CNTN6: variants seen among roughly 807,000 people sequenced by gnomAD.
The protein encoded by CNTN6 is contactin-6.
Under a neutral mutation model 122.8 loss-of-function variants are expected in CNTN6, and 137 were observed. That is an observed-to-expected ratio of 1.12 (90% CI 0.97 to 1.29). The LOEUF is 1.29. Ranked by LOEUF, CNTN6 falls within the 50% of genes most tolerant of loss-of-function variation. The probability of loss-of-function intolerance (pLI) is 0.00; values close to 1 mark genes in which losing one functional copy is unlikely to be tolerated. For missense variants in CNTN6, 1,634 were observed against 1,223.4 expected, an observed-to-expected ratio of 1.34 and a Z score of -5.01; for synonymous variants, 570 against 426.0, an observed-to-expected ratio of 1.34 and a Z score of -4.16.
At chr3:1,193,144 A>G (rs1399993879) in intron 2 of CNTN6, among the ~76,000 whole-genome samples, 1 of 152,200 alleles carries the variant, frequency 6.6e-6, no homozygotes, top group East Asian at 1.9e-4. Context: ...AAGTCCTGCA[A>G]TTAACCAAAT....
chr3:1,241,408 A>C (rs2094481943), intron 4 of CNTN6, among the ~76,000 whole-genome samples: 1 of 151,960 alleles, frequency 6.6e-6, no homozygotes, highest in Non-Finnish European at 1.5e-5. Context: ...ACTAAGCTGA[A>C]GGGAGGTCTT....
intron 11 of CNTN6, among the ~76,000 whole-genome samples, chr3:1,339,490 A>G (rs1479533): frequency 0.2 from 30,214 of 152,138 alleles, 3,564 homozygotes; most frequent in Non-Finnish European, 0.26. Context: ...GCTCCGGTGC[A>G]GTGGGGCATG....
At chr3:1,181,288 T>C (rs755905069) in intron 2 of CNTN6, among the ~76,000 whole-genome samples, 19 of 152,166 alleles carry the variant, frequency 1.2e-4, no homozygotes, top group Non-Finnish European at 2.8e-4. Context: ...CACAACTCAC[T>C]TACTCACATC....
intron 17 of CNTN6, among the ~76,000 whole-genome samples, chr3:1,381,499 A>G (rs1382127775): frequency 2.6e-5 from 4 of 152,100 alleles, no homozygotes; most frequent in Non-Finnish European, 5.9e-5. Context: ...AGTCTCAGCA[A>G]GCAGGCAGGA....
At chr3:1,285,577 C>T (rs6799262) in intron 5 of CNTN6, among the ~76,000 whole-genome samples, 37,204 of 152,056 alleles carry the variant, frequency 0.24, 4,939 homozygotes, top group Non-Finnish European at 0.3. Context: ...TTAGCATTTG[C>T]AATACTTCAA....
chr3:1,154,799 A>G (rs1395896991), intron 2 of CNTN6, among the ~76,000 whole-genome samples: 1 of 152,178 alleles, frequency 6.6e-6, no homozygotes, highest in East Asian at 1.9e-4. Flanking sequence ...GCTTAAAATC[A>G]AACTCCTTGC....
chr3:1,291,509 A>G (rs1695321032), intron 5 of CNTN6, among the ~76,000 whole-genome samples: 1 of 152,182 alleles, frequency 6.6e-6, no homozygotes, highest in Admixed American at 6.5e-5. Context: ...AGAGAGCTAA[A>G]GCGTATTTCT....
intron 11 of CNTN6, among the ~76,000 whole-genome samples, chr3:1,330,843 A>T (rs777622816): frequency 1.3e-4 from 20 of 151,920 alleles, no homozygotes; most frequent in Non-Finnish European, 2.7e-4. Flanking sequence ...CGGACTAGAA[A>T]GTGAGTTCCC....
At chr3:1,289,496 C>T (rs1215850800) in intron 5 of CNTN6, among the ~76,000 whole-genome samples, 1 of 152,110 alleles carries the variant, frequency 6.6e-6, no homozygotes, top group Non-Finnish European at 1.5e-5. Context: ...CAAATCCTTG[C>T]CATCCCAGAC....
intron 2 of CNTN6, among the ~76,000 whole-genome samples, chr3:1,181,065 A>C (rs1365070496): frequency 2.0e-5 from 3 of 152,080 alleles, no homozygotes; most frequent in Non-Finnish European, 4.4e-5. Context: ...ATGTTAATCA[A>C]AATTGTGAAT....
chr3:1,164,111 A>T (rs2093194658), intron 2 of CNTN6, among the ~76,000 whole-genome samples: 1 of 152,154 alleles, frequency 6.6e-6, no homozygotes, highest in Non-Finnish European at 1.5e-5. Flanking sequence ...AGCTGCATGT[A>T]AGTTTGTCTG....
intron 16 of CNTN6, among the ~76,000 whole-genome samples, chr3:1,375,851 G>T (rs1274523576): frequency 6.6e-6 from 1 of 152,052 alleles, no homozygotes; most frequent in African/African-American, 2.4e-5. Context: ...ATTATCATAT[G>T]ACTATTTTCT....
At chr3:1,129,114 A>G (rs1299026393) in intron 1 of CNTN6, among the ~76,000 whole-genome samples, 1 of 152,078 alleles carries the variant, frequency 6.6e-6, no homozygotes, top group Non-Finnish European at 1.5e-5. Flanking sequence ...CTTAGGGAGA[A>G]ATAGATTGGT....
chr3:1,237,252 A>T (rs1225626358), intron 4 of CNTN6, among the ~76,000 whole-genome samples: 2 of 152,030 alleles, frequency 1.3e-5, no homozygotes, highest in Non-Finnish European at 2.9e-5. Flanking sequence ...TGCATTGGAA[A>T]GTCTAAGCAA....
intron 4 of CNTN6, among the ~76,000 whole-genome samples, chr3:1,274,138 C>T (rs77096686): frequency 0.012 from 1,759 of 151,542 alleles, 31 homozygotes; most frequent in African/African-American, 0.037. Context: ...TTACTAGAAA[C>T]AGAAACAATG....
intron 9 of CNTN6, 29 bp from the exon 10 acceptor site, chr3:1,327,428 G>A (rs1575717256): frequency 1.9e-6 from 3 of 1,601,804 alleles, no homozygotes; most frequent in East Asian, 2.2e-5. Flanking sequence ...TAACGTACAA[G>A]CATCTTTATA....
chr3:1,166,640 G>T (rs567222593), intron 2 of CNTN6, among the ~76,000 whole-genome samples: 1 of 152,254 alleles, frequency 6.6e-6, no homozygotes, highest in South Asian at 2.1e-4. Context: ...AGCTGATTAA[G>T]GACACAGGCT....
intron 5 of CNTN6, among the ~76,000 whole-genome samples, chr3:1,285,274 A>C (rs2125822081): frequency 6.6e-6 from 1 of 152,340 alleles, no homozygotes; most frequent in Middle Eastern, 3.4e-3. Context: ...AGATAACTCC[A>C]AGGATTTGGG....
At chr3:1,134,335 G>A (rs2134781) in intron 1 of CNTN6, among the ~76,000 whole-genome samples, 12,707 of 152,192 alleles carry the variant, frequency 0.083, 612 homozygotes, top group Middle Eastern at 0.12. Context: ...AGATAGTAGG[G>A]CTGTCACGGA....
Sources: gnomAD v4.1 joint callset for allele counts (sites outside exome capture counted in the v4.1 genomes callset) on GRCh38, gnomAD v4.1.1 for gene constraint, MANE v1.5 for transcripts, NCBI Gene and HGNC (gene_info 2026-07-23, HGNC 2026-07-21) for gene names.